The following PLCB1 variants were observed in gnomAD, a reference collection of about 807,000 sequenced individuals.
PLCB1 encodes 1-phosphatidylinositol 4,5-bisphosphate phosphodiesterase beta-1.
In PLCB1, 46 loss-of-function variants were observed where a neutral mutation model predicts 161.8. The ratio of observed to expected loss-of-function variants is 0.28; its 90% CI spans 0.22 to 0.36. The LOEUF (loss-of-function observed/expected upper bound fraction) is 0.36, where lower values mean the gene tolerates loss of function less well. PLCB1 is among the 10% of genes least tolerant of loss of function. PLCB1 has a pLI of 1.00. For missense variants in PLCB1, 1,016 were observed against 1,472.5 expected, an observed-to-expected ratio of 0.69 and a Z score of 5.07; for synonymous variants, 517 against 503.7, an observed-to-expected ratio of 1.03 and a Z score of -0.35.
chr20:8,270,657 C>T (rs1982239201), intron 2 of PLCB1, among the ~76,000 whole-genome samples: 1 of 152,056 alleles, frequency 6.6e-6, no homozygotes, highest in Non-Finnish European at 1.5e-5. Flanking sequence ...TCAAAGAAAA[C>T]TCAGTGATGA....
rs374361448 is a variant in PLCB1, at chr20:8,421,772, A to G, written c.246+50322A>G. Reference sequence around the variant, plus strand: ...ATATGGTCCTTAGACGAACGGCATCAGCATCACCAAGGGCTTATTAGAAAT... The same window carrying G: ...ATATGGTCCTTAGACGAACGGCATCGGCATCACCAAGGGCTTATTAGAAAT... On this transcript the variant is annotated intron_variant, in intron 3 of 31. Transcript: ENST00000338037. 3.5e-4 allele frequency among the ~76,000 whole-genome samples: 53 copies of G among 152,334 alleles called. No individual in the cohort carries two copies. In the East Asian group the frequency reaches 8.3e-3, roughly 24 times the overall value.
chr20:8,825,962 G>A (rs1314191191), intron 31 of PLCB1, among the ~76,000 whole-genome samples: 1 of 152,166 alleles, frequency 6.6e-6, no homozygotes, highest in Non-Finnish European at 1.5e-5. Flanking sequence ...CAACTGAGTG[G>A]ATTTTGACTC....
chr20:8,386,863 A>G (rs1987439061), intron 3 of PLCB1, among the ~76,000 whole-genome samples: 1 of 152,192 alleles, frequency 6.6e-6, no homozygotes, highest in South Asian at 2.1e-4. Context: ...TTGCACTTGT[A>G]TGTTATGGAG....
At chr20:8,645,429 G>T (rs975715217) in intron 4 of PLCB1, among the ~76,000 whole-genome samples, 6 of 152,216 alleles carry the variant, frequency 3.9e-5, no homozygotes, top group African/African-American at 1.4e-4. Flanking sequence ...AGGGGTTTCA[G>T]CCCAGAATGT....
chr20:8,734,343 G>T (rs1980471996), intron 19 of PLCB1, among the ~76,000 whole-genome samples: 1 of 151,636 alleles, frequency 6.6e-6, no homozygotes, highest in Admixed American at 6.6e-5. Context: ...AGATTTTCCG[G>T]TCTTTTTTTC....
chr20:8,302,362 A>T (rs994316877), intron 2 of PLCB1, among the ~76,000 whole-genome samples: 1 of 152,208 alleles, frequency 6.6e-6, no homozygotes, highest in Non-Finnish European at 1.5e-5. Flanking sequence ...CTCTTTCATG[A>T]TAGCATCTGC....
intron 2 of PLCB1, among the ~76,000 whole-genome samples, chr20:8,156,503 C>T (rs186654441): frequency 5.7e-4 from 87 of 152,284 alleles, no homozygotes; most frequent in Middle Eastern, 3.4e-3. Flanking sequence ...AATATAGATG[C>T]CCCCAAATGA....
chr20:8,288,674 G>A lies in PLCB1; in HGVS notation c.178-82708G>A, dbSNP rs531634306. ...AACAACAGTCCTTCAGAGAACGGTA[G>A]AGGTGCCAGCTGTTAGCAGCTGACA... is the stretch of plus-strand genomic sequence containing the variant. On this transcript the variant is annotated intron_variant, in intron 2 of 31. Transcript: ENST00000338037. Among the ~76,000 whole-genome samples the A allele has an allele frequency of 2.0e-5, 3 of 152,232 alleles. No individual in the cohort carries two copies. The South Asian group carries it at 6.2e-4, about 32-fold the overall frequency.
At chr20:8,147,710 T>C (rs561687606) in intron 1 of PLCB1, among the ~76,000 whole-genome samples, 1 of 152,138 alleles carries the variant, frequency 6.6e-6, no homozygotes, top group East Asian at 1.9e-4. Flanking sequence ...CCGAGATAAA[T>C]GATCACTTAA....
At chr20:8,369,343 CT>C (rs1477930962) in intron 2 of PLCB1, among the ~76,000 whole-genome samples, 9 of 152,188 alleles carry the variant, frequency 5.9e-5, no homozygotes, top group African/African-American at 2.2e-4. Flanking sequence ...CAGATCTCCA[CT>C]TATTTCCCAT....
chr20:8,534,334 G>A (rs969497142), intron 3 of PLCB1, among the ~76,000 whole-genome samples: 5 of 152,156 alleles, frequency 3.3e-5, no homozygotes, highest in Non-Finnish European at 4.4e-5. Flanking sequence ...GAGCCACTGC[G>A]CCCCCGGCCC....
chr20:8,503,238 CA>C lies in PLCB1; in HGVS notation c.247-125054del, dbSNP rs368056962. On this transcript the variant is annotated intron_variant, in intron 3 of 31. Transcript: ENST00000338037. ...TCAAGTGCTTCCTGCAGCCTGTCTC[CA>C]ACAATACAAAGTATCCAAGCTCCTT... 1.8e-4 allele frequency among the ~76,000 whole-genome samples: 27 copies of C among 152,258 alleles called. 2 individuals are homozygous for C. In the South Asian group the frequency reaches 5.6e-3, roughly 32 times the overall value.
chr20:8,267,922 G>A (rs1259825279), intron 2 of PLCB1, among the ~76,000 whole-genome samples: 2 of 151,848 alleles, frequency 1.3e-5, no homozygotes, highest in Non-Finnish European at 2.9e-5. Flanking sequence ...CTGATTGGTT[G>A]TGGGACAGGA....
At chr20:8,393,710 A>C (rs148241508) in intron 3 of PLCB1, among the ~76,000 whole-genome samples, 2 of 152,270 alleles carry the variant, frequency 1.3e-5, no homozygotes, top group East Asian at 3.9e-4. Context: ...TGTGTTGGAC[A>C]TGGGTTAGTG....
At chr20:8,199,983 C>G (rs2052075191) in intron 2 of PLCB1, among the ~76,000 whole-genome samples, 1 of 152,090 alleles carries the variant, frequency 6.6e-6, no homozygotes, top group Admixed American at 6.6e-5. Flanking sequence ...AGTGGAGAAA[C>G]TGAATTCAAA....
At chr20:8,212,065 AGGAACTTCTCCAATATATTTATAT>A (rs1978855237) in intron 2 of PLCB1, among the ~76,000 whole-genome samples, 1 of 152,122 alleles carries the variant, frequency 6.6e-6, no homozygotes, top group African/African-American at 2.4e-5. Context: ...CCCAGGGACA[AGGAACTTCTCCAATATATTTATAT>A]TTACTGAACT....
intron 9 of PLCB1, among the ~76,000 whole-genome samples, chr20:8,674,798 T>C (rs1311536364): frequency 6.6e-6 from 1 of 152,174 alleles, no homozygotes; most frequent in East Asian, 1.9e-4. Flanking sequence ...TCATTCTTCT[T>C]TCTCTGCCAT....
rs549054334 is a variant in PLCB1 at position 8,136,543 on chromosome 20, G to T, written c.99+3793G>T. On this transcript the variant is annotated intron_variant, in intron 1 of 31. Transcript: ENST00000338037. ...CGGGAGGCTGAGGCAGGAGAATGGCGTGAACCTGGGAGGCGGAGCTTGCAG... is the reference window on the plus strand; with the variant it reads ...CGGGAGGCTGAGGCAGGAGAATGGCTTGAACCTGGGAGGCGGAGCTTGCAG... Among the ~76,000 whole-genome samples the T allele has an allele frequency of 3.6e-3, 549 of 151,614 alleles. 4 individuals are homozygous for T. The highest frequency in any genetic ancestry group is 0.024 in the Middle Eastern group (7 of 294).
At chr20:8,595,131 G>C (rs1312872180) in intron 3 of PLCB1, among the ~76,000 whole-genome samples, 1 of 151,374 alleles carries the variant, frequency 6.6e-6, no homozygotes, top group Admixed American at 6.6e-5. Context: ...TTAAGTTTTA[G>C]GGTACATGTG....
Sources: gnomAD v4.1 joint callset for allele counts (sites outside exome capture counted in the v4.1 genomes callset) on GRCh38, gnomAD v4.1.1 for gene constraint, MANE v1.5 for transcripts, NCBI Gene and HGNC (gene_info 2026-07-23, HGNC 2026-07-21) for gene names.